CFAP69: variants seen among roughly 807,000 people sequenced by gnomAD.
The protein encoded by CFAP69 is cilia- and flagella-associated protein 69.
A neutral mutation model predicts 123.0 loss-of-function variants in CFAP69; 92 were observed. The ratio of observed to expected loss-of-function variants is 0.75; its 90% CI spans 0.63 to 0.89. CFAP69 has a LOEUF of 0.89. Among genes scored for constraint, CFAP69 ranks in the 40% least tolerant of loss-of-function variants. The pLI is 0.00. For synonymous variants in CFAP69, 380 were observed against 364.3 expected (o/e 1.04, Z -0.49); for missense variants, 1,067 against 1,096.9 (o/e 0.97, Z 0.39).
intron 2 of CFAP69, among the ~76,000 whole-genome samples, chr7:90,256,172 T>C (rs1458092997): frequency 6.6e-6 from 1 of 152,128 alleles, no homozygotes; most frequent in Non-Finnish European, 1.5e-5. Flanking sequence ...AACGTGGACA[T>C]ATACACCATG....
Position 90,262,130 on chromosome 7 carries a change from A to G in CFAP69, c.356+74A>G, listed in dbSNP as rs1798417959. 2.0e-5 allele frequency: 19 copies of G among 944,442 alleles called. 1 individual carries two copies. In the South Asian group the frequency reaches 2.5e-4, roughly 12 times the overall value. 58.5% of individuals were successfully genotyped at this position (944,442 alleles called of 1,614,324 possible). ...ATTATGTTTCTTATATCACAAACATACTATGCATTATAGTGTAGCAGATTG... is the reference window on the plus strand; with the variant it reads ...ATTATGTTTCTTATATCACAAACATGCTATGCATTATAGTGTAGCAGATTG... On this transcript the variant is annotated intron_variant, in intron 4 of 22. Coordinates refer to ENST00000389297, the MANE Select transcript of CFAP69 (RefSeq NM_001039706.3).
intron 1 of CFAP69, among the ~76,000 whole-genome samples, chr7:90,254,165 C>T (rs1797364874): frequency 6.6e-6 from 1 of 152,110 alleles, no homozygotes; most frequent in Non-Finnish European, 1.5e-5. Flanking sequence ...GGACTTATTT[C>T]TGGGTTCTCT....
At chr7:90,300,310 A>T (rs80097682) in intron 17 of CFAP69, 6 of 778,202 alleles carry the variant, frequency 7.7e-6, no homozygotes, top group Non-Finnish European at 9.4e-6. Context: ...TAAAAAAAAA[A>T]TTAAAGTAGT....
At chr7:90,316,501 C>G in the CFAP69 span, 1 of 152,088 alleles carries the variant, frequency 6.6e-6, no homozygotes, top group Non-Finnish European at 1.5e-5. Context: ...TCAGTCTATC[C>G]CTGCATTGTC....
In CFAP69 at chr7:90,310,479, A is replaced by G; in HGVS notation, c.*241A>G. ...CAATTTTACTAAGTGAAATTGTAAA[A>G]CATAGTACATCAGTTAGGACTCTGT... On this transcript the variant is annotated 3_prime_UTR_variant, in exon 23 of 23. Transcript: ENST00000389297. The G allele has an allele frequency of 4.1e-6, 1 of 245,088 alleles. No individual in the cohort carries two copies. Among genetic ancestry groups the G allele is most frequent in the East Asian group, 8.6e-5 (1 of 11,690 alleles). 15.2% of individuals were successfully genotyped at this position (245,088 alleles called of 1,614,324 possible). A position where few individuals can be genotyped will look rare whatever the true frequency, so the allele number is the denominator to read the frequency against.
rs1350299406 is a variant in CFAP69, at chr7:90,307,036, A to G, written c.2401A>G (p.Ser801Gly). The change falls in exon 20 of 23, where the codon AGT becomes GGT. Residue 801 changes from serine (S) to glycine (G), a missense_variant. Transcript: ENST00000389297. ...TGGAAAGATGGTTGCTTCTCTGCAA[A>G]GTGATATAATTGAAAGCCAAGCATG... ...NIGKMVASLQ[S>G]DIIESQACQD... The G allele has an allele frequency of 3.1e-6, 5 of 1,613,166 alleles. No homozygotes were observed. The highest frequency in any genetic ancestry group is 2.5e-6 in the Non-Finnish European group (3 of 1,179,780).
intron 1 of CFAP69, chr7:90,251,815 C>G (rs1797043426): frequency 6.6e-6 from 1 of 152,124 alleles, no homozygotes; most frequent in African/African-American, 2.4e-5. Flanking sequence ...TAAGAGGAAT[C>G]TATGCTTTAA....
chr7:90,307,612 A>G (rs1354789771), intron 20 of CFAP69, among the ~76,000 whole-genome samples, 156 bp from the exon 21 acceptor site: 1 of 151,912 alleles, frequency 6.6e-6, no homozygotes, highest in Admixed American at 6.6e-5. Context: ...GTTTTTTTGC[A>G]TTATAATTTT....
In CFAP69 at chr7:90,277,029, T is replaced by A. The variant is rs373181947; in HGVS notation, c.985-44T>A. 9.4e-5 allele frequency: 129 copies of A among 1,365,896 alleles called. No homozygotes were observed. The African/African-American group carries it at 1.8e-3, about 19-fold the overall frequency. The allele number at this position is 1,365,896 out of a possible 1,614,324, so 84.6% of individuals were successfully genotyped here. A position where few individuals can be genotyped will look rare whatever the true frequency, so the allele number is the denominator to read the frequency against. On this transcript the variant is annotated intron_variant, in intron 9 of 22. Transcript: ENST00000389297. ...ATGAGCATCTGCATCATAACTTTCATCTTATTCATTCATCTTTCTGCTTAT... is the reference window on the plus strand; with the variant it reads ...ATGAGCATCTGCATCATAACTTTCAACTTATTCATTCATCTTTCTGCTTAT...
At chr7:90,319,549 T>C in the CFAP69 span, 1 of 398,464 alleles carries the variant, frequency 2.5e-6, no homozygotes, top group Non-Finnish European at 4.4e-6. Context: ...AGCATCCACA[T>C]TGTGCTCTAT....
chr7:90,294,295 T>C (rs1478251886), intron 15 of CFAP69, among the ~76,000 whole-genome samples: 3 of 152,196 alleles, frequency 2.0e-5, no homozygotes, highest in Admixed American at 6.5e-5. Context: ...TTTTGAAGAA[T>C]TTTTGTTTTA....
chr7:90,305,501 T>G (rs1192870315), intron 19 of CFAP69, among the ~76,000 whole-genome samples: 1 of 150,838 alleles, frequency 6.6e-6, no homozygotes, highest in Non-Finnish European at 1.5e-5. Flanking sequence ...CAAGTGATTC[T>G]CCTGCCTCAG....
intron 14 of CFAP69, 171 bp downstream of exon 14, chr7:90,286,570 C>T (rs1212478632): frequency 7.4e-6 from 4 of 540,494 alleles, no homozygotes; most frequent in African/African-American, 6.0e-5. Context: ...CAGTATACAC[C>T]CATTTAACTC....
At position 90,268,083 on chromosome 7, in the gene CFAP69, T is replaced by A. The variant is rs186778385; in HGVS notation, c.434-203T>A. Among the ~76,000 whole-genome samples, 10 of 152,268 alleles carry A rather than the reference T, an allele frequency of 6.6e-5. No homozygotes were observed. In the East Asian group the frequency reaches 1.7e-3, roughly 26 times the overall value. On this transcript the variant is annotated intron_variant, in intron 5 of 22. Coordinates refer to ENST00000389297, the MANE Select transcript of CFAP69 (RefSeq NM_001039706.3). Reference sequence around the variant, plus strand: ...TGAATTGATTGAGGGGCCAAATGTATAAGGATGGATTCAGGGTACTGTTTA... The same window carrying A: ...TGAATTGATTGAGGGGCCAAATGTAAAAGGATGGATTCAGGGTACTGTTTA...
intron 1 of CFAP69, 30 bp from the exon 2 acceptor site, chr7:90,255,393 C>T (rs565840060): frequency 3.2e-6 from 5 of 1,569,448 alleles, no homozygotes; most frequent in African/African-American, 2.7e-5. Context: ...AGAAGATGAT[C>T]TAGAATAGTA....
chr7:90,249,223 T>G (rs950605813), intron 1 of CFAP69, among the ~76,000 whole-genome samples: 2 of 152,152 alleles, frequency 1.3e-5, no homozygotes, highest in African/African-American at 4.8e-5. Context: ...TCTGATGGTT[T>G]TATAAGAGGT....
At chr7:90,311,382 A>G (rs1794313654), downstream of CFAP69, among the ~76,000 whole-genome samples, 1 of 152,220 alleles carries the variant, frequency 6.6e-6, no homozygotes, top group Non-Finnish European at 1.5e-5. Context: ...TCAGCAGTGT[A>G]CTGGTAAATG....
intron 14 of CFAP69, 194 bp downstream of exon 14, chr7:90,286,593 A>C: frequency 2.1e-6 from 1 of 481,210 alleles, no homozygotes; most frequent in South Asian, 3.5e-5. Context: ...ACCCCCAATT[A>C]AAACAGAGAA....
chr7:90,288,146 A>G (rs1790575135), intron 14 of CFAP69, 88 bp from the exon 15 acceptor site: 1 of 1,013,110 alleles, frequency 9.9e-7, no homozygotes, highest in South Asian at 1.9e-5. Context: ...CTCTGGTAAA[A>G]AAGCAATATT....
Sources: allele counts gnomAD v4.1 joint callset (sites outside exome capture counted in the v4.1 genomes callset), GRCh38; gene constraint gnomAD v4.1.1; transcripts MANE v1.5; gene names NCBI Gene and HGNC (gene_info 2026-07-23, HGNC 2026-07-21).